GPHN: variants seen among roughly 807,000 people sequenced by gnomAD.
GPHN encodes the protein gephyrin.
Under a neutral mutation model 95.5 loss-of-function variants are expected in GPHN, and 17 were observed. The observed-to-expected ratio is 0.18, with a 90% CI of 0.12 to 0.27. GPHN has a LOEUF of 0.27. Among genes scored for constraint, GPHN ranks in the 10% least tolerant of loss-of-function variants. The pLI is 1.00. For synonymous variants in GPHN, 320 were observed against 322.5 expected (o/e 0.99, Z 0.08); for missense variants, 660 against 978.1 (o/e 0.67, Z 4.34).
At chr14:67,525,573 G>T in the GPHN span, among the ~76,000 whole-genome samples, 4 of 152,176 alleles carry the variant, frequency 2.6e-5, no homozygotes, top group African/African-American at 9.7e-5. Flanking sequence ...AAGAAAGGAC[G>T]CAAGAATCAC....
chr14:67,724,882 A>G, the GPHN span, among the ~76,000 whole-genome samples: 3 of 152,220 alleles, frequency 2.0e-5, no homozygotes, highest in African/African-American at 7.2e-5. Context: ...ATCAGAATGT[A>G]AAACCTGGGA....
intron 1 of GPHN, among the ~76,000 whole-genome samples, chr14:66,587,447 T>G (rs2061467924): frequency 6.6e-6 from 1 of 152,214 alleles, no homozygotes. Flanking sequence ...CCAGCCAATA[T>G]TCCTGATAAA....
At chr14:66,752,476 A>G (rs1190821396) in intron 2 of GPHN, among the ~76,000 whole-genome samples, 1 of 152,056 alleles carries the variant, frequency 6.6e-6, no homozygotes, top group East Asian at 1.9e-4. Flanking sequence ...TTTCTCAAGG[A>G]ATAAGGAGAC....
At chr14:66,869,488 C>T (rs926395286) in intron 4 of GPHN, among the ~76,000 whole-genome samples, 1 of 152,152 alleles carries the variant, frequency 6.6e-6, no homozygotes, top group Non-Finnish European at 1.5e-5. Flanking sequence ...ATCTTCCAGT[C>T]CCCATCTCAT....
At chr14:67,685,128 T>C in the GPHN span, 1 of 1,613,930 alleles carries the variant, frequency 6.2e-7, no homozygotes, top group African/African-American at 1.3e-5. Context: ...ACCACATCCA[T>C]CTCATGAAAG....
the GPHN span, among the ~76,000 whole-genome samples, chr14:67,213,135 G>A: frequency 1.3e-5 from 2 of 149,288 alleles, no homozygotes; most frequent in East Asian, 3.9e-4. Flanking sequence ...TGTTCTGCAT[G>A]TAGAATTTTT....
chr14:67,212,606 T>A, the GPHN span, among the ~76,000 whole-genome samples: 1 of 136,152 alleles, frequency 7.3e-6, no homozygotes, highest in African/African-American at 2.7e-5. Flanking sequence ...AAAATATATA[T>A]ATATATATGT....
At chr14:67,207,139 T>C in the GPHN span, among the ~76,000 whole-genome samples, 1 of 152,050 alleles carries the variant, frequency 6.6e-6, no homozygotes, top group African/African-American at 2.4e-5. Context: ...AATAGAGGTG[T>C]ATTAGGCCAT....
At chr14:67,031,126 C>T (rs369316169) in intron 10 of GPHN, among the ~76,000 whole-genome samples, 3 of 152,164 alleles carry the variant, frequency 2.0e-5, no homozygotes, top group African/African-American at 7.2e-5. Flanking sequence ...CCCAGGTTCT[C>T]GACTTATTAC....
chr14:66,551,702 G>A (rs2140180424), intron 1 of GPHN, among the ~76,000 whole-genome samples: 1 of 152,304 alleles, frequency 6.6e-6, no homozygotes, highest in East Asian at 1.9e-4. Flanking sequence ...TAGCTGGTGA[G>A]GCTTCAGGAA....
intron 18 of GPHN, among the ~76,000 whole-genome samples, chr14:67,155,119 T>C (rs1445064400): frequency 2.0e-5 from 3 of 152,212 alleles, no homozygotes; most frequent in Non-Finnish European, 2.9e-5. Flanking sequence ...TCTTATGAGT[T>C]CAGGACCTGT....
chr14:67,191,526 T>C, the GPHN span, among the ~76,000 whole-genome samples: 1 of 152,270 alleles, frequency 6.6e-6, no homozygotes, highest in African/African-American at 2.4e-5. Context: ...CCAATGGCCA[T>C]GAACACTCAA....
chr14:67,560,524 C>T, the GPHN span, among the ~76,000 whole-genome samples: 3 of 152,128 alleles, frequency 2.0e-5, no homozygotes, highest in Non-Finnish European at 4.4e-5. Context: ...CACTAACTTC[C>T]CATTCTCTCT....
At chr14:66,642,870 A>T (rs1298987611) in intron 1 of GPHN, among the ~76,000 whole-genome samples, 1 of 152,078 alleles carries the variant, frequency 6.6e-6, no homozygotes, top group Non-Finnish European at 1.5e-5. Context: ...ACTATGAAAG[A>T]TTTAAAAAAT....
chr14:67,122,448 G>T, intron 17 of GPHN, 71 bp downstream of exon 17: 1 of 1,329,696 alleles, frequency 7.5e-7, no homozygotes, highest in South Asian at 1.2e-5. Flanking sequence ...TCATTAGGTG[G>T]AGTTGCTGCT....
the GPHN span, chr14:67,472,203 TC>T: frequency 6.6e-6 from 1 of 152,260 alleles, no homozygotes; most frequent in African/African-American, 2.4e-5. Flanking sequence ...ACTGATACCC[TC>T]CCACAAAGGA....
chr14:66,589,982 G>C (rs1021830662), intron 1 of GPHN, among the ~76,000 whole-genome samples: 1 of 152,066 alleles, frequency 6.6e-6, no homozygotes, highest in African/African-American at 2.4e-5. Context: ...TAGTCTCTCA[G>C]ACCACAGTAC....
chr14:66,608,730 A>G (rs1186957656), intron 1 of GPHN, among the ~76,000 whole-genome samples: 2 of 152,196 alleles, frequency 1.3e-5, no homozygotes, highest in African/African-American at 2.4e-5. Flanking sequence ...ACCCTTTGCC[A>G]CTATGTAATA....
At chr14:66,957,005 C>T (rs969892052) in intron 8 of GPHN, among the ~76,000 whole-genome samples, 1 of 149,552 alleles carries the variant, frequency 6.7e-6, no homozygotes, top group Admixed American at 6.6e-5. Flanking sequence ...GGGAGATATA[C>T]CTAATGCTAG....
Sources: allele counts gnomAD v4.1 joint callset (sites outside exome capture counted in the v4.1 genomes callset), GRCh38; gene constraint gnomAD v4.1.1; transcripts MANE v1.5; gene names NCBI Gene and HGNC (gene_info 2026-07-23, HGNC 2026-07-21).